C3orf20: variants seen among roughly 807,000 people sequenced by gnomAD.
C3orf20 encodes family with sequence similarity 149 member C.
C3orf20 carries 76 observed loss-of-function variants against 88.3 expected under a neutral mutation model. That is an observed-to-expected ratio of 0.86 (90% CI 0.72 to 1.04). The LOEUF (loss-of-function observed/expected upper bound fraction) is 1.04, where lower values mean the gene tolerates loss of function less well. Ranked by LOEUF, C3orf20 falls within the 50% of genes least tolerant of loss-of-function variation. The pLI, the probability that C3orf20 is intolerant of heterozygous loss-of-function variation, is 0.00. For missense variants in C3orf20, 1,056 were observed against 1,123.3 expected (o/e 0.94, Z 0.86); for synonymous variants, 436 against 437.4 (o/e 1.00, Z 0.04).
In C3orf20 at chr3:14,704,479, G is replaced by A; in HGVS notation, c.1021G>A (p.Ala341Thr). The A allele has an allele frequency of 6.2e-7, 1 of 1,614,124 alleles. No homozygotes were observed. The highest frequency in any genetic ancestry group is 2.2e-5 in the East Asian group (1 of 44,884). The change falls in exon 7 of 17, where the codon GCA (alanine) becomes ACA (threonine). Residue 341 changes from alanine (A) to threonine (T), a missense_variant. Coordinates refer to ENST00000253697, the MANE Select transcript of C3orf20 (RefSeq NM_032137.5). ...QTPGLHYPPTAGAQTLSPTSH... is the reference protein window; with the variant it reads ...QTPGLHYPPTTGAQTLSPTSH... ...CCCGGGTTTACATTACCCTCCCACT[G>A]CAGGTGCTCAGACTCTCAGCCCCAC... is the stretch of plus-strand genomic sequence containing the variant.
Position 14,714,171 on chromosome 3 carries a change from G to A in C3orf20, c.1313+12G>A, listed in dbSNP as rs758502138. 1.2e-6 allele frequency: 2 copies of A among 1,612,984 alleles called. No homozygotes were observed. The highest frequency in any genetic ancestry group is 1.7e-6 in the Non-Finnish European group (2 of 1,179,842). On this transcript the variant is annotated intron_variant, in intron 8 of 16. Coordinates refer to ENST00000253697, the MANE Select transcript of C3orf20 (RefSeq NM_032137.5). ...AACCTAAAAACCAGGTAAGTGGACTGGGAGAGTACTAGTCACACGGAAGTA... is the reference window on the plus strand; with the variant it reads ...AACCTAAAAACCAGGTAAGTGGACTAGGAGAGTACTAGTCACACGGAAGTA...
chr3:14,745,199 G>A (rs946659314), intron 12 of C3orf20, among the ~76,000 whole-genome samples: 12 of 152,206 alleles, frequency 7.9e-5, no homozygotes, highest in African/African-American at 2.9e-4. Context: ...CCCACAGAGA[G>A]AGAGAGAGCA....
At chr3:14,761,720 G>C (rs2035569956) in intron 15 of C3orf20, 105 bp downstream of exon 15, 5 of 808,346 alleles carry the variant, frequency 6.2e-6, no homozygotes, top group African/African-American at 1.8e-5. Context: ...AGGCGGGGCT[G>C]AAGGGATGGA....
intron 4 of C3orf20, among the ~76,000 whole-genome samples, chr3:14,684,817 G>T (rs1471464583): frequency 6.6e-6 from 1 of 152,206 alleles, no homozygotes; most frequent in Non-Finnish European, 1.5e-5. Flanking sequence ...ATGTGGGTCA[G>T]TGGCAGTCCA....
At chr3:14,744,412 C>T (rs2035001213) in intron 12 of C3orf20, among the ~76,000 whole-genome samples, 1 of 151,920 alleles carries the variant, frequency 6.6e-6, no homozygotes, top group African/African-American at 2.4e-5. Context: ...AGCCATTCAA[C>T]AAGTCTCTAG....
At chr3:14,721,849 C>T in intron 10 of C3orf20, 65 bp downstream of exon 10, 1 of 1,596,428 alleles carries the variant, frequency 6.3e-7, no homozygotes, top group Non-Finnish European at 8.6e-7. Context: ...GTTGCTGTTT[C>T]ATATCTCAGG....
chr3:14,694,576 CTT>C (rs1483957508), intron 5 of C3orf20, among the ~76,000 whole-genome samples: 1 of 152,030 alleles, frequency 6.6e-6, no homozygotes, highest in Non-Finnish European at 1.5e-5. Context: ...GGTCTTCTCT[CTT>C]TTTATCTTAG....
At chr3:14,749,849 C>T (rs1014106599) in intron 12 of C3orf20, among the ~76,000 whole-genome samples, 4 of 152,080 alleles carry the variant, frequency 2.6e-5, no homozygotes, top group African/African-American at 9.7e-5. Flanking sequence ...GCTTTAGTAG[C>T]ATACAAAGTT....
At chr3:14,762,766 G>A (rs1016319740) in intron 15 of C3orf20, among the ~76,000 whole-genome samples, 3 of 152,182 alleles carry the variant, frequency 2.0e-5, no homozygotes, top group African/African-American at 4.8e-5. Flanking sequence ...CCACAGCACC[G>A]AGTCTGGGTA....
In C3orf20 at chr3:14,682,312, C is replaced by T. The variant is rs73139891; in HGVS notation, c.-156C>T. On this transcript the variant is annotated 5_prime_UTR_variant, in exon 2 of 17. Transcript: ENST00000253697. The stretch of plus-strand genomic sequence containing the variant: ...TGACCACAAGCAGATCTTTCACCCT[C>T]GGATCTCTAGCTACAAAAGGTGCAA... 0.017 allele frequency: 2,800 copies of T among 169,442 alleles called. 37 individuals are homozygous for T. The highest frequency in any genetic ancestry group is 0.042 in the African/African-American group (1,754 of 42,034). The allele number at this position is 169,442 out of a possible 1,614,324, so 10.5% of individuals were successfully genotyped here. A position where few individuals can be genotyped will look rare whatever the true frequency, so the allele number is the denominator to read the frequency against.
At chr3:14,734,421 T>A (rs928207947) in intron 12 of C3orf20, among the ~76,000 whole-genome samples, 1 of 152,142 alleles carries the variant, frequency 6.6e-6, no homozygotes, top group African/African-American at 2.4e-5. Flanking sequence ...GCTCAAAATA[T>A]TTTATATTTT....
At chr3:14,755,738 A>G (rs1190810680) in intron 12 of C3orf20, among the ~76,000 whole-genome samples, 2 of 152,176 alleles carry the variant, frequency 1.3e-5, no homozygotes, top group African/African-American at 2.4e-5. Flanking sequence ...AATGGCAATA[A>G]GAGTTTCTGG....
intron 5 of C3orf20, among the ~76,000 whole-genome samples, chr3:14,697,451 G>A (rs1306612288): frequency 2.0e-5 from 3 of 151,714 alleles, no homozygotes; most frequent in Non-Finnish European, 2.9e-5. Flanking sequence ...AAATTCTACT[G>A]TTAAAAGATT....
In C3orf20 at chr3:14,761,482, G is replaced by A. The variant is rs373893851; in HGVS notation, c.2362G>A (p.Gly788Arg). The part of the protein sequence containing the change: ...VVQGMILMFA[G>R]GKLIFGGRVL... ...TCCTTCCTGTCAACAGATGTTTGCC[G>A]GGGGGAAGCTCATTTTTGGGGGCCG... The change falls in exon 15 of 17, where the codon GGG becomes AGG. Residue 788 changes from glycine (G) to arginine (R), a missense_variant. Gly to Arg is a moderately radical substitution (Grantham distance 125, BLOSUM62 -2). Coordinates refer to ENST00000253697, the MANE Select transcript of C3orf20 (RefSeq NM_032137.5). The A allele has an allele frequency of 1.7e-5, 28 of 1,613,860 alleles. No homozygotes were observed. The highest frequency in any genetic ancestry group is 2.2e-5 in the South Asian group (2 of 91,066).
intron 7 of C3orf20, among the ~76,000 whole-genome samples, chr3:14,707,107 G>A (rs2033535800): frequency 6.6e-6 from 1 of 151,892 alleles, no homozygotes; most frequent in African/African-American, 2.4e-5. Context: ...AAATTAGCCG[G>A]GTGTGGTGGC....
At chr3:14,702,037 A>G (rs2033285861) in intron 5 of C3orf20, among the ~76,000 whole-genome samples, 1 of 152,050 alleles carries the variant, frequency 6.6e-6, no homozygotes, top group African/African-American at 2.4e-5. Context: ...TTGAAAAACC[A>G]TTTTCTGAAA....
At chr3:14,719,011 C>T (rs984314422) in intron 9 of C3orf20, among the ~76,000 whole-genome samples, 1 of 152,154 alleles carries the variant, frequency 6.6e-6, no homozygotes, top group Admixed American at 6.5e-5. Context: ...TGACTGTGGC[C>T]TGCCTTCAGG....
intron 6 of C3orf20, 91 bp from the exon 7 acceptor site, chr3:14,704,246 G>A (rs2033401948): frequency 7.6e-7 from 1 of 1,319,888 alleles, no homozygotes; most frequent in African/African-American, 1.5e-5. Flanking sequence ...AATGGGATAG[G>A]GGTCTTGGGC....
At chr3:14,710,659 G>C (rs2033699899) in intron 7 of C3orf20, among the ~76,000 whole-genome samples, 2 of 151,884 alleles carry the variant, frequency 1.3e-5, no homozygotes, top group Non-Finnish European at 2.9e-5. Flanking sequence ...ATTTTCTTTT[G>C]TTAGTGATTT....
Sources: allele counts gnomAD v4.1 joint callset (sites outside exome capture counted in the v4.1 genomes callset), GRCh38; gene constraint gnomAD v4.1.1; transcripts MANE v1.5; gene names NCBI Gene and HGNC (gene_info 2026-07-23, HGNC 2026-07-21).